Variants in FNDC3B observed in about 807,000 individuals in gnomAD.
The protein encoded by FNDC3B is fibronectin type III domain-containing protein 3B.
Under a neutral mutation model 151.5 loss-of-function variants are expected in FNDC3B, and 12 were observed. That is an observed-to-expected ratio of 0.08 (90% confidence interval 0.05 to 0.13). The LOEUF (loss-of-function observed/expected upper bound fraction) is 0.13. FNDC3B is among the 10% of genes least tolerant of loss of function. The pLI is 1.00. For synonymous variants in FNDC3B, 528 were observed against 549.0 expected, an observed-to-expected ratio of 0.96 and a Z score of 0.54; for missense variants, 1,214 against 1,505.3, an observed-to-expected ratio of 0.81 and a Z score of 3.20.
intron 13 of FNDC3B, among the ~76,000 whole-genome samples, chr3:172,332,822 T>C (rs1455839478): frequency 6.6e-6 from 1 of 152,240 alleles, no homozygotes; most frequent in Non-Finnish European, 1.5e-5. Flanking sequence ...TTAAATGTAT[T>C]TTCAAAAGTT....
chr3:172,359,658 G>A (rs556634989), intron 22 of FNDC3B, among the ~76,000 whole-genome samples: 9 of 152,042 alleles, frequency 5.9e-5, no homozygotes, highest in African/African-American at 1.2e-4. Context: ...TCCAGTTGCC[G>A]AAAAATATGT....
intron 6 of FNDC3B, among the ~76,000 whole-genome samples, chr3:172,281,097 C>T (rs915092864): frequency 6.6e-6 from 1 of 151,880 alleles, no homozygotes; most frequent in Non-Finnish European, 1.5e-5. Flanking sequence ...GAATTAGAGG[C>T]GCCCAACTTA....
At chr3:172,233,136 T>C (rs946994269) in intron 4 of FNDC3B, among the ~76,000 whole-genome samples, 1 of 152,242 alleles carries the variant, frequency 6.6e-6, no homozygotes, top group Admixed American at 6.5e-5. Context: ...TTATTTTCCA[T>C]GCTTCCGTAG....
At chr3:172,091,120 A>C (rs1718804965) in intron 1 of FNDC3B, among the ~76,000 whole-genome samples, 1 of 152,198 alleles carries the variant, frequency 6.6e-6, no homozygotes, top group African/African-American at 2.4e-5. Context: ...AAGTAAAACA[A>C]GGACGGGCTT....
chr3:172,181,395 CAAAAAA>C (rs755223783), intron 3 of FNDC3B, among the ~76,000 whole-genome samples: 1 of 71,532 alleles, frequency 1.4e-5, no homozygotes, highest in African/African-American at 6.2e-5. Flanking sequence ...ACTCTGTCTC[CAAAAAA>C]AAAAAAAAAA....
intron 8 of FNDC3B, among the ~76,000 whole-genome samples, chr3:172,298,496 G>C (rs947555243): frequency 3.3e-5 from 5 of 152,120 alleles, no homozygotes; most frequent in African/African-American, 1.2e-4. Flanking sequence ...AATTTTATTA[G>C]TAAGTTAACC....
chr3:172,307,315 T>C (rs1245508221), intron 9 of FNDC3B, 48 bp from the exon 10 acceptor site: 1 of 1,600,864 alleles, frequency 6.2e-7, no homozygotes, highest in Non-Finnish European at 8.6e-7. Context: ...AGAATCCTGG[T>C]CTTCTATGAT....
chr3:172,238,385 G>T (rs1247928446), intron 4 of FNDC3B, among the ~76,000 whole-genome samples: 2 of 152,030 alleles, frequency 1.3e-5, no homozygotes, highest in African/African-American at 4.8e-5. Context: ...TGAACTACTG[G>T]GTTCAAGCAG....
At chr3:172,277,661 G>A (rs1227974060) in intron 6 of FNDC3B, among the ~76,000 whole-genome samples, 6 of 152,090 alleles carry the variant, frequency 3.9e-5, no homozygotes, top group Non-Finnish European at 7.4e-5. Flanking sequence ...TTTACAAATC[G>A]AGCAATTTCA....
chr3:172,173,067 T>C (rs1459083919), intron 3 of FNDC3B, among the ~76,000 whole-genome samples: 1 of 152,086 alleles, frequency 6.6e-6, no homozygotes, highest in East Asian at 1.9e-4. Context: ...AAACTGTTTT[T>C]CTCAAGGGAA....
intron 6 of FNDC3B, among the ~76,000 whole-genome samples, chr3:172,270,337 A>G (rs73167258): frequency 6.6e-6 from 1 of 152,232 alleles, no homozygotes; most frequent in Non-Finnish European, 1.5e-5. Context: ...TTCCTTTCGA[A>G]CTTAGCATAC....
At chr3:172,187,996 G>GT (rs35110477) in intron 3 of FNDC3B, among the ~76,000 whole-genome samples, 80,091 of 134,476 alleles carry the variant, frequency 0.6, 23,301 homozygotes, top group South Asian at 0.64. Context: ...TATTTAAGCA[G>GT]TTTTTTTTTT....
In FNDC3B at chr3:172,298,800, A is replaced by G. The variant is rs748548057; in HGVS notation, c.1061+13A>G. 7 of 1,591,008 alleles carry G rather than the reference A, an allele frequency of 4.4e-6. No homozygotes were observed. Among genetic ancestry groups the G allele is most frequent in the Non-Finnish European group, 6.0e-6 (7 of 1,167,022 alleles). On this transcript the variant is annotated intron_variant, in intron 9 of 25. Transcript: ENST00000415807. Reference sequence around the variant, plus strand: ...ATTATCATGTGAGGTGAGTTAGGATATAAGAGCCAAACTGTATTGGAGAAT... The same window carrying G: ...ATTATCATGTGAGGTGAGTTAGGATGTAAGAGCCAAACTGTATTGGAGAAT...
At chr3:172,317,466 G>C (rs927442320) in intron 11 of FNDC3B, among the ~76,000 whole-genome samples, 1 of 151,940 alleles carries the variant, frequency 6.6e-6, no homozygotes, top group Non-Finnish European at 1.5e-5. Context: ...TTACAGGCGT[G>C]AGCCACCACG....
chr3:172,161,995 G>T (rs182078728), intron 3 of FNDC3B, among the ~76,000 whole-genome samples: 242 of 151,276 alleles, frequency 1.6e-3, no homozygotes, highest in African/African-American at 5.7e-3. Context: ...TTTTTGGGGG[G>T]GGACAGAGTC....
At chr3:172,370,045 A>G (rs1438294784) in intron 23 of FNDC3B, among the ~76,000 whole-genome samples, 1 of 152,054 alleles carries the variant, frequency 6.6e-6, no homozygotes, top group Admixed American at 6.6e-5. Flanking sequence ...GAAAGGTACC[A>G]TTTGCAGCCT....
At chr3:172,317,724 A>C (rs6776466) in intron 11 of FNDC3B, among the ~76,000 whole-genome samples, 4,963 of 152,296 alleles carry the variant, frequency 0.033, 285 homozygotes, top group African/African-American at 0.11. Context: ...AGATGCTAAG[A>C]TCTGAGATAG....
At chr3:172,328,918 T>TTA (rs1560080817) in intron 11 of FNDC3B, 34 bp from the exon 12 acceptor site, 6 of 1,485,104 alleles carry the variant, frequency 4.0e-6, no homozygotes, top group Non-Finnish European at 5.5e-6. Context: ...TTTTTTTTTT[T>TTA]AAGTATATGC....
intron 3 of FNDC3B, among the ~76,000 whole-genome samples, chr3:172,200,462 C>A (rs1344919179): frequency 6.6e-6 from 1 of 152,194 alleles, no homozygotes; most frequent in Non-Finnish European, 1.5e-5. Flanking sequence ...TTGGCAAAAA[C>A]CATATGAGTA....
Sources: gnomAD v4.1 joint callset for allele counts (sites outside exome capture counted in the v4.1 genomes callset) on GRCh38, gnomAD v4.1.1 for gene constraint, MANE v1.5 for transcripts, NCBI Gene and HGNC (gene_info 2026-07-23, HGNC 2026-07-21) for gene names.